Variants in PDE11A observed in about 807,000 individuals in gnomAD.
The protein encoded by PDE11A is dual 3',5'-cyclic-AMP and -GMP phosphodiesterase 11A.
A neutral mutation model predicts 100.5 loss-of-function variants in PDE11A; 100 were observed. That is an observed-to-expected ratio of 1.00 (90% CI 0.85 to 1.18). PDE11A has a LOEUF of 1.18. PDE11A is among the 50% of genes most tolerant of loss of function. The probability of loss-of-function intolerance (pLI) is 0.00; values close to 1 mark genes in which losing one functional copy is unlikely to be tolerated. For missense variants in PDE11A, 1,141 were observed against 1,152.6 expected (o/e 0.99, Z 0.15); for synonymous variants, 381 against 420.8 (o/e 0.91, Z 1.16).
intron 9 of PDE11A, among the ~76,000 whole-genome samples, chr2:177,803,411 T>C (rs951876755): frequency 6.6e-5 from 10 of 151,866 alleles, no homozygotes; most frequent in African/African-American, 2.4e-4. Flanking sequence ...CCTGAAACTA[T>C]TCAAAAAAAT....
intron 15 of PDE11A, among the ~76,000 whole-genome samples, chr2:177,691,426 G>C (rs1028168683): frequency 6.6e-6 from 1 of 152,164 alleles, no homozygotes; most frequent in African/African-American, 2.4e-5. Flanking sequence ...CACTTAGCAT[G>C]CTAACACAAA....
chr2:177,821,328 G>A (rs2083134613), intron 6 of PDE11A, among the ~76,000 whole-genome samples: 1 of 151,488 alleles, frequency 6.6e-6, no homozygotes, highest in South Asian at 2.1e-4. Context: ...CCCCAAAATT[G>A]TAAGTATACA....
chr2:177,660,011 A>C (rs2080451907), intron 19 of PDE11A, among the ~76,000 whole-genome samples: 1 of 151,726 alleles, frequency 6.6e-6, no homozygotes, highest in Admixed American at 6.6e-5. Context: ...ATAAATCACG[A>C]CTTCATCCTG....
At chr2:177,727,193 C>T (rs2081612633) in intron 12 of PDE11A, among the ~76,000 whole-genome samples, 2 of 152,006 alleles carry the variant, frequency 1.3e-5, no homozygotes, top group South Asian at 2.1e-4. Flanking sequence ...ACTCTTACCC[C>T]TCTTTTCTCC....
intron 5 of PDE11A, among the ~76,000 whole-genome samples, chr2:177,856,850 C>CA (rs1446724619): frequency 2.0e-5 from 3 of 151,254 alleles, no homozygotes; most frequent in Non-Finnish European, 4.4e-5. Flanking sequence ...GGATTCTCAG[C>CA]AAAAAAGGAG....
intron 1 of PDE11A, among the ~76,000 whole-genome samples, chr2:178,060,623 G>A (rs751731243): frequency 1.3e-5 from 2 of 152,046 alleles, no homozygotes; most frequent in Admixed American, 6.5e-5. Flanking sequence ...AATCGAATTC[G>A]GTCTGATTCT....
chr2:177,971,085 A>C (rs1189282898), intron 2 of PDE11A, among the ~76,000 whole-genome samples: 1 of 152,198 alleles, frequency 6.6e-6, no homozygotes, highest in African/African-American at 2.4e-5. Flanking sequence ...CCTGGATTCT[A>C]TAGGATTGAG....
chr2:178,025,323 A>G (rs1008706562), intron 1 of PDE11A, among the ~76,000 whole-genome samples: 1 of 152,222 alleles, frequency 6.6e-6, no homozygotes, highest in Non-Finnish European at 1.5e-5. Context: ...AGTCTTTCAA[A>G]TAGAATTGGT....
chr2:177,844,969 T>C (rs2083556752), intron 5 of PDE11A, among the ~76,000 whole-genome samples: 1 of 151,576 alleles, frequency 6.6e-6, no homozygotes, highest in Non-Finnish European at 1.5e-5. Context: ...CCATCCGATT[T>C]CTCAATCTTT....
intron 19 of PDE11A, among the ~76,000 whole-genome samples, chr2:177,641,365 C>T (rs1302307117): frequency 6.8e-6 from 1 of 148,126 alleles, no homozygotes; most frequent in Non-Finnish European, 1.5e-5. Context: ...AATAATCCCA[C>T]TAAGTTTTCT....
chr2:177,649,818 T>C (rs1462789415), intron 19 of PDE11A, among the ~76,000 whole-genome samples: 1 of 152,214 alleles, frequency 6.6e-6, no homozygotes, highest in Non-Finnish European at 1.5e-5. Flanking sequence ...CTTTTGTACT[T>C]TGTGAATTGT....
chr2:177,964,856 G>A (rs1024774751), intron 2 of PDE11A, among the ~76,000 whole-genome samples: 1 of 152,200 alleles, frequency 6.6e-6, no homozygotes, highest in African/African-American at 2.4e-5. Flanking sequence ...CTTTATGGTA[G>A]AATGATTTCT....
At chr2:177,950,659 C>T (rs1227148340) in intron 2 of PDE11A, among the ~76,000 whole-genome samples, 1 of 152,308 alleles carries the variant, frequency 6.6e-6, no homozygotes, top group East Asian at 1.9e-4. Context: ...CGCCTGTAAT[C>T]CCAGCACTTT....
At chr2:177,967,909 T>C (rs573449997) in intron 2 of PDE11A, among the ~76,000 whole-genome samples, 6 of 152,366 alleles carry the variant, frequency 3.9e-5, no homozygotes, top group African/African-American at 1.2e-4. Context: ...GCTTGTTTTA[T>C]TGAATAATTG....
chr2:178,049,620 A>G (rs1442275944), intron 1 of PDE11A, among the ~76,000 whole-genome samples: 1 of 152,156 alleles, frequency 6.6e-6, no homozygotes, highest in African/African-American at 2.4e-5. Context: ...GCTGTGACAG[A>G]TGGCACCTGG....
At chr2:177,917,672 G>A (rs891595403) in intron 2 of PDE11A, among the ~76,000 whole-genome samples, 1 of 152,126 alleles carries the variant, frequency 6.6e-6, no homozygotes, top group Non-Finnish European at 1.5e-5. Flanking sequence ...CTGTGGCTTA[G>A]CATTTTACAG....
intron 1 of PDE11A, among the ~76,000 whole-genome samples, chr2:178,062,488 T>C (rs2086985595): frequency 6.6e-6 from 1 of 151,962 alleles, no homozygotes; most frequent in South Asian, 2.1e-4. Context: ...AAGAGGGAAT[T>C]AGAGCTTCAC....
At chr2:177,813,793 C>T (rs1038251529) in intron 9 of PDE11A, among the ~76,000 whole-genome samples, 14 of 151,040 alleles carry the variant, frequency 9.3e-5, no homozygotes, top group African/African-American at 2.7e-4. Flanking sequence ...TCACTGGGTG[C>T]TGTGGAATGG....
At chr2:177,819,868 T>TTCTCTTTCTC (rs2083106925) in intron 7 of PDE11A, among the ~76,000 whole-genome samples, 2 of 139,188 alleles carry the variant, frequency 1.4e-5, no homozygotes, top group African/African-American at 5.6e-5. Context: ...CTTTCTCTCT[T>TTCTCTTTCTC]TCTCTCTCTC....
Sources: allele counts gnomAD v4.1 joint callset (sites outside exome capture counted in the v4.1 genomes callset), GRCh38; gene constraint gnomAD v4.1.1; transcripts MANE v1.5; gene names NCBI Gene and HGNC (gene_info 2026-07-23, HGNC 2026-07-21).